The following FGF2 variants were observed in gnomAD, a reference collection of about 807,000 sequenced individuals.
FGF2 encodes the protein basic fibroblast growth factor bFGF.
In FGF2, 13 loss-of-function variants were observed where a neutral mutation model predicts 15.9. That is an observed-to-expected ratio of 0.82 (90% CI 0.53 to 1.30). The LOEUF is 1.30. FGF2 is among the 50% of genes most tolerant of loss of function. FGF2 has a pLI of 0.00. For missense variants in FGF2, 163 were observed against 196.9 expected (o/e 0.83, Z 1.03); for synonymous variants, 90 against 78.4 (o/e 1.15, Z -0.78).
intron 2 of FGF2, among the ~76,000 whole-genome samples, chr4:122,878,903 G>C (rs747648099): frequency 2.0e-5 from 3 of 152,122 alleles, no homozygotes; most frequent in Non-Finnish European, 4.4e-5. Context: ...GCAAGGTTTG[G>C]GAAAAGGTAG....
chr4:122,834,874 AATAG>A (rs1293787422), intron 1 of FGF2, among the ~76,000 whole-genome samples: 2 of 152,192 alleles, frequency 1.3e-5, no homozygotes, highest in Admixed American at 6.5e-5. Context: ...TAGACGTATT[AATAG>A]ATTGCCACTA....
intron 1 of FGF2, among the ~76,000 whole-genome samples, chr4:122,867,870 C>T (rs72672997): frequency 6.6e-6 from 1 of 152,100 alleles, no homozygotes; most frequent in Non-Finnish European, 1.5e-5. Flanking sequence ...TTATGGTGAC[C>T]CTGTTTATTT....
intron 1 of FGF2, among the ~76,000 whole-genome samples, chr4:122,871,015 A>G (rs1397233546): frequency 6.6e-6 from 1 of 152,170 alleles, no homozygotes; most frequent in Non-Finnish European, 1.5e-5. Flanking sequence ...AGATTCTGGT[A>G]CATTGTCTCT....
intron 1 of FGF2, among the ~76,000 whole-genome samples, chr4:122,845,591 G>C (rs959343614): frequency 6.6e-6 from 1 of 152,208 alleles, no homozygotes; most frequent in Non-Finnish European, 1.5e-5. Flanking sequence ...AGCACTGTCT[G>C]TGTTACCTTG....
Position 122,892,963 on chromosome 4 carries a change from C to T in FGF2, c.*567C>T. The T allele has an allele frequency of 1.2e-6, 2 of 1,614,198 alleles. No individual in the cohort carries two copies. Among genetic ancestry groups the T allele is most frequent in the Non-Finnish European group, 1.7e-6 (2 of 1,180,034 alleles). ...TGTCAAACCCTTCTCTGTACCCATA[C>T]AGCAGCAGCCTAGCAACTCTGCTGG... On this transcript the variant is annotated 3_prime_UTR_variant, in exon 3 of 3. Coordinates refer to ENST00000644866, the MANE Select transcript of FGF2 (RefSeq NM_001361665.2).
intron 2 of FGF2, among the ~76,000 whole-genome samples, chr4:122,891,031 TTTTTG>T (rs1560760171): frequency 7.0e-4 from 97 of 138,488 alleles, no homozygotes; most frequent in East Asian, 2.1e-3. Flanking sequence ...CTTTTTTTTT[TTTTTG>T]TTTTGTTTTG....
intron 2 of FGF2, among the ~76,000 whole-genome samples, chr4:122,877,559 T>C (rs1417142926): frequency 6.6e-6 from 1 of 152,208 alleles, no homozygotes; most frequent in East Asian, 1.9e-4. Flanking sequence ...GAACATATGA[T>C]GTATAAAGAA....
chr4:122,880,655 C>T (rs903023569), intron 2 of FGF2, among the ~76,000 whole-genome samples: 1 of 152,178 alleles, frequency 6.6e-6, no homozygotes, highest in Non-Finnish European at 1.5e-5. Context: ...GCAGCTCTGC[C>T]CCTGTGGCTT....
At chr4:122,880,210 C>G (rs370297634) in intron 2 of FGF2, among the ~76,000 whole-genome samples, 1 of 151,396 alleles carries the variant, frequency 6.6e-6, no homozygotes, top group African/African-American at 2.4e-5. Flanking sequence ...GCTACAGGCC[C>G]TATGCAAGTC....
At position 122,895,087 on chromosome 4, in the gene FGF2, TTGAA is replaced by T. The variant is rs1727309223; in HGVS notation, c.*2694_*2697del. 6.6e-6 allele frequency: 1 copy of T among 152,142 alleles called. No individual in the cohort carries two copies. Among genetic ancestry groups the T allele is most frequent in the Non-Finnish European group, 1.5e-5 (1 of 68,038 alleles). 9.4% of individuals were successfully genotyped at this position (152,142 alleles called of 1,614,324 possible). ...ACTTGAATCACTAACTGACTGAAAA[TTGAA>T]TGGGCAAATAAGTGCTTTTGTCTCC... is the stretch of plus-strand genomic sequence containing the variant. On this transcript the variant is annotated 3_prime_UTR_variant, in exon 3 of 3. Transcript: ENST00000644866.
intron 1 of FGF2, among the ~76,000 whole-genome samples, chr4:122,866,676 A>C (rs576650089): frequency 5.2e-4 from 79 of 152,378 alleles, no homozygotes; most frequent in Non-Finnish European, 1.0e-3. Flanking sequence ...TTGAGAAACA[A>C]AAACAGACCA....
At chr4:122,847,238 G>A (rs1726130976) in intron 1 of FGF2, among the ~76,000 whole-genome samples, 1 of 152,202 alleles carries the variant, frequency 6.6e-6, no homozygotes, top group Non-Finnish European at 1.5e-5. Flanking sequence ...TCTAAGGTGA[G>A]AGAATTATAA....
Position 122,897,598 on chromosome 4 carries a change from C to G in FGF2, c.*5202C>G, listed in dbSNP as rs1727402217. 3 of 1,485,720 alleles carry G rather than the reference C, an allele frequency of 2.0e-6. No homozygotes were observed. Among genetic ancestry groups the G allele is most frequent in the African/African-American group, 1.4e-5 (1 of 72,426 alleles). The allele number at this position is 1,485,720 out of a possible 1,614,324, so 92.0% of individuals were successfully genotyped here. ...ATTAATTTCCTCAACATTTTTAAGC[C>G]AATTAAAAATATAAAAGATACACAC... On this transcript the variant is annotated 3_prime_UTR_variant, in exon 3 of 3. Coordinates refer to ENST00000644866, the MANE Select transcript of FGF2 (RefSeq NM_001361665.2).
intron 2 of FGF2, among the ~76,000 whole-genome samples, chr4:122,890,272 C>T (rs76223223): frequency 0.011 from 1,673 of 152,250 alleles, 35 homozygotes; most frequent in African/African-American, 0.037. Context: ...TCACTCTTAT[C>T]ACATTTGAAT....
rs181325668 is a variant in FGF2 at position 122,830,048 on chromosome 4, T to G, written c.178+2696T>G. Among the ~76,000 whole-genome samples, 10 of 152,336 alleles carry G rather than the reference T, an allele frequency of 6.6e-5. No individual in the cohort carries two copies. In the East Asian group the frequency reaches 1.7e-3, roughly 26 times the overall value. On this transcript the variant is annotated intron_variant, in intron 1 of 2. Transcript: ENST00000644866. ...TCTATGGTCTCATTCCTCAGACTGT[T>G]TTGTCCAACTGACCTGAACATCTGT...
At chr4:122,850,434 A>G (rs1383128848) in intron 1 of FGF2, among the ~76,000 whole-genome samples, 1 of 152,124 alleles carries the variant, frequency 6.6e-6, no homozygotes, top group Non-Finnish European at 1.5e-5. Context: ...CTGTGCCTTA[A>G]ACTTTTCCTT....
chr4:122,848,210 T>C (rs1354366383), intron 1 of FGF2, among the ~76,000 whole-genome samples: 1 of 152,218 alleles, frequency 6.6e-6, no homozygotes, highest in Non-Finnish European at 1.5e-5. Context: ...AGTTTTGCTT[T>C]GAGCCTCAGC....
intron 2 of FGF2, among the ~76,000 whole-genome samples, chr4:122,880,611 T>C (rs934746275): frequency 2.0e-5 from 3 of 152,176 alleles, no homozygotes; most frequent in African/African-American, 7.2e-5. Flanking sequence ...ATCCAGGTCA[T>C]GCTGATGCAA....
chr4:122,860,784 G>A (rs1726446742), intron 1 of FGF2, among the ~76,000 whole-genome samples: 1 of 152,058 alleles, frequency 6.6e-6, no homozygotes, highest in African/African-American at 2.4e-5. Flanking sequence ...TGGCACCTTT[G>A]TCAAAACTAA....
Sources: gnomAD v4.1 joint callset for allele counts (sites outside exome capture counted in the v4.1 genomes callset) on GRCh38, gnomAD v4.1.1 for gene constraint, MANE v1.5 for transcripts, NCBI Gene and HGNC (gene_info 2026-07-23, HGNC 2026-07-21) for gene names.